Variants in PKIG observed in about 807,000 individuals in gnomAD.
PKIG encodes protein kinase (cAMP-dependent, catalytic) inhibitor gamma.
PKIG carries 1 observed loss-of-function variant against 6.8 expected under a neutral mutation model. That is an observed-to-expected ratio of 0.15 (90% CI 0.05 to 0.69). PKIG has a LOEUF of 0.69. Among genes scored for constraint, PKIG ranks in the 30% least tolerant of loss-of-function variants. The pLI, the probability that PKIG is intolerant of heterozygous loss-of-function variation, is 0.82. For missense variants in PKIG, 77 were observed against 104.0 expected (o/e 0.74, Z 1.13); for synonymous variants, 39 against 43.0 (o/e 0.91, Z 0.36).
At chr20:44,558,574 TTTTCTTTCTTTCTTTC>T (rs11377687) in intron 1 of PKIG, among the ~76,000 whole-genome samples, 64 of 132,000 alleles carry the variant, frequency 4.8e-4, no homozygotes, top group Admixed American at 1.4e-3. Flanking sequence ...TTTTTTTCTT[TTTTCTTTCTTTCTTTC>T]TTTCTTTCTT....
At chr20:44,610,504 A>G (rs548625628) in intron 2 of PKIG, among the ~76,000 whole-genome samples, 1 of 148,672 alleles carries the variant, frequency 6.7e-6, no homozygotes, top group Non-Finnish European at 1.5e-5. Flanking sequence ...TCTCTCTCAC[A>G]CACACACACA....
At chr20:44,581,679 G>T (rs910784846), upstream of PKIG, among the ~76,000 whole-genome samples, 1 of 152,116 alleles carries the variant, frequency 6.6e-6, no homozygotes, top group African/African-American at 2.4e-5. Context: ...ATGTCCCTAA[G>T]GACTTGTTCA....
chr20:44,599,443 G>C (rs1328986409), intron 2 of PKIG, among the ~76,000 whole-genome samples: 1 of 152,162 alleles, frequency 6.6e-6, no homozygotes, highest in Non-Finnish European at 1.5e-5. Flanking sequence ...TGTGTAACAG[G>C]CCAGGCACCG....
At chr20:44,576,479 G>C (rs2064899329) in intron 1 of PKIG, among the ~76,000 whole-genome samples, 1 of 152,144 alleles carries the variant, frequency 6.6e-6, no homozygotes, top group South Asian at 2.1e-4. Flanking sequence ...GGCTGAGTAG[G>C]AGTTAACCAA....
chr20:44,571,983 A>C (rs2064857805), intron 1 of PKIG, among the ~76,000 whole-genome samples: 1 of 152,186 alleles, frequency 6.6e-6, no homozygotes, highest in Admixed American at 6.6e-5. Flanking sequence ...AGGCCTCAGC[A>C]TCTTTACGAC....
At chr20:44,547,994 A>G (rs1370005135) in intron 1 of PKIG, among the ~76,000 whole-genome samples, 1 of 152,104 alleles carries the variant, frequency 6.6e-6, no homozygotes. Flanking sequence ...CCTGGCCAAC[A>G]TGGTGAAACC....
At chr20:44,581,399 C>T (rs549570637), upstream of PKIG, among the ~76,000 whole-genome samples, 3 of 152,292 alleles carry the variant, frequency 2.0e-5, no homozygotes, top group Non-Finnish European at 4.4e-5. Context: ...TCCCACTTGA[C>T]AGTTAAAAAA....
chr20:44,542,242 T>A (rs2064568642), intron 1 of PKIG, among the ~76,000 whole-genome samples: 1 of 152,134 alleles, frequency 6.6e-6, no homozygotes, highest in Non-Finnish European at 1.5e-5. Flanking sequence ...GGTCTCTGAG[T>A]CTAGGTTCCC....
At chr20:44,541,946 C>T (rs2064565900) in intron 1 of PKIG, among the ~76,000 whole-genome samples, 1 of 152,258 alleles carries the variant, frequency 6.6e-6, no homozygotes, top group Non-Finnish European at 1.5e-5. Flanking sequence ...CCCTCGGCTT[C>T]CCAAAGTGCT....
intron 1 of PKIG, among the ~76,000 whole-genome samples, chr20:44,584,144 T>A (rs1157976923): frequency 6.6e-6 from 1 of 152,172 alleles, no homozygotes; most frequent in Admixed American, 6.5e-5. Context: ...CCCCATTGAC[T>A]GAGGACAACC....
intron 3 of PKIG, among the ~76,000 whole-genome samples, chr20:44,617,783 A>G (rs2065280619): frequency 6.6e-6 from 1 of 151,970 alleles, no homozygotes; most frequent in African/African-American, 2.4e-5. Flanking sequence ...GGTGGCTCAC[A>G]CCTATAATCC....
intron 1 of PKIG, among the ~76,000 whole-genome samples, chr20:44,558,458 C>T (rs1263430565): frequency 6.6e-6 from 1 of 152,034 alleles, no homozygotes. Context: ...ATTTGGGTAA[C>T]AAATAATTGT....
intron 1 of PKIG, among the ~76,000 whole-genome samples, chr20:44,585,740 A>T (rs1200340815): frequency 6.6e-6 from 1 of 152,280 alleles, no homozygotes; most frequent in East Asian, 1.9e-4. Flanking sequence ...GCCTTTAGGC[A>T]GGTGTGTTCT....
chr20:44,570,304 T>A (rs576829584), intron 1 of PKIG, among the ~76,000 whole-genome samples: 2 of 152,316 alleles, frequency 1.3e-5, no homozygotes, highest in African/African-American at 4.8e-5. Context: ...GTATTTCCTA[T>A]GATAAGTTGT....
chr20:44,543,240 A>G lies in PKIG; in HGVS notation c.-241+11262A>G, dbSNP rs576445992. 5.3e-5 allele frequency among the ~76,000 whole-genome samples: 8 copies of G among 152,332 alleles called. No individual in the cohort carries two copies. The South Asian group carries it at 1.4e-3, about 28-fold the overall frequency. On this transcript the variant is annotated intron_variant, in intron 1 of 4. Transcript: ENST00000372887. Reference sequence around the variant, plus strand: ...AGGGCTCAGCACAGTCTTGGCAGATAGAACTTAACATGTAAATGTCAGCTG... The same window carrying G: ...AGGGCTCAGCACAGTCTTGGCAGATGGAACTTAACATGTAAATGTCAGCTG...
intron 1 of PKIG, among the ~76,000 whole-genome samples, chr20:44,536,511 C>A (rs765410426): frequency 6.6e-6 from 1 of 152,052 alleles, no homozygotes; most frequent in Non-Finnish European, 1.5e-5. Context: ...CAGGACTTGA[C>A]CAACAAGAGG....
rs116973138 is a variant in PKIG, at chr20:44,591,470, G to A, written c.-24+1604G>A. On this transcript the variant is annotated intron_variant, in intron 2 of 3. Transcript: ENST00000372886. ...AGTTCTAAGGGACTGAGAGAGTTCC[G>A]CACTCTGCCTGGCCCACTCTCATCA... is the stretch of plus-strand genomic sequence containing the variant. 7.5e-3 allele frequency among the ~76,000 whole-genome samples: 1,145 copies of A among 151,994 alleles called. 11 individuals carry two copies. Among genetic ancestry groups the A allele is most frequent in the Non-Finnish European group, 0.01 (707 of 67,976 alleles).
intron 1 of PKIG, among the ~76,000 whole-genome samples, chr20:44,570,157 C>A (rs2123286504): frequency 6.6e-6 from 1 of 152,248 alleles, no homozygotes; most frequent in East Asian, 1.9e-4. Flanking sequence ...ATATCAGTAA[C>A]AACAAAACAT....
At chr20:44,594,717 T>C (rs1028855541) in intron 2 of PKIG, among the ~76,000 whole-genome samples, 138 of 151,840 alleles carry the variant, frequency 9.1e-4, no homozygotes, top group African/African-American at 3.2e-3. Flanking sequence ...GGGCAGAAAA[T>C]CCAGCCTTTA....
Sources: gnomAD v4.1 joint callset for allele counts (sites outside exome capture counted in the v4.1 genomes callset) on GRCh38, gnomAD v4.1.1 for gene constraint, MANE v1.5 for transcripts, NCBI Gene and HGNC (gene_info 2026-07-23, HGNC 2026-07-21) for gene names.